The following DNAI4 variants were observed in gnomAD, a reference collection of about 807,000 sequenced individuals.
DNAI4 encodes the protein WD repeat domain 78.
A neutral mutation model predicts 105.8 loss-of-function variants in DNAI4; 85 were observed. The ratio of observed to expected loss-of-function variants is 0.80; its 90% CI spans 0.67 to 0.96. The LOEUF (loss-of-function observed/expected upper bound fraction) is 0.96. DNAI4 is among the 40% of genes least tolerant of loss of function. The pLI is 0.00. For missense variants in DNAI4, 1,014 were observed against 1,005.6 expected (o/e 1.01, Z -0.11); for synonymous variants, 352 against 331.5 (o/e 1.06, Z -0.67).
At position 66,874,896 on chromosome 1, in the gene DNAI4, T is replaced by C; in HGVS notation, c.685A>G (p.Lys229Glu). 6.2e-7 allele frequency: 1 copy of C among 1,612,396 alleles called. No individual in the cohort carries two copies. The highest frequency in any genetic ancestry group is 8.5e-7 in the Non-Finnish European group (1 of 1,179,504). Residue 229 changes from lysine to glutamate, a missense_variant, in exon 5 of 17, where the codon AAA becomes GAA. Transcript: ENST00000371026. ...IRAAPEKIVT[K>E]EDLEKNIEII... The stretch of plus-strand genomic sequence containing the variant: ...TCTATATTCTTCTCCAGGTCTTCTT[T>C]TGTTACAATTTTTTCAGGTGCTGCC...
At chr1:66,918,995 G>C (rs1029612824) in intron 1 of DNAI4, 2 of 356,560 alleles carry the variant, frequency 5.6e-6, no homozygotes, top group Non-Finnish European at 1.2e-5. Flanking sequence ...TCAAAAGAAT[G>C]CAACCATTTG....
At chr1:66,825,903 T>C (rs1308263291) in intron 15 of DNAI4, among the ~76,000 whole-genome samples, 1 of 152,240 alleles carries the variant, frequency 6.6e-6, no homozygotes, top group Non-Finnish European at 1.5e-5. Context: ...ATTTTCTTGC[T>C]TTTGCTAAAA....
At chr1:66,907,202 T>C (rs1451842086) in intron 1 of DNAI4, among the ~76,000 whole-genome samples, 1 of 152,218 alleles carries the variant, frequency 6.6e-6, no homozygotes, top group Non-Finnish European at 1.5e-5. Flanking sequence ...CTTTACTCTT[T>C]CTTCTTCAGC....
intron 13 of DNAI4, among the ~76,000 whole-genome samples, chr1:66,829,253 C>T (rs151220242): frequency 6.6e-6 from 1 of 152,218 alleles, no homozygotes; most frequent in Non-Finnish European, 1.5e-5. Flanking sequence ...ATGATCTTAG[C>T]AGCATAATTA....
At chr1:66,854,695 G>A (rs1295357215) in intron 7 of DNAI4, among the ~76,000 whole-genome samples, 2 of 152,078 alleles carry the variant, frequency 1.3e-5, no homozygotes, top group Non-Finnish European at 2.9e-5. Flanking sequence ...CCAGCTATTC[G>A]GGAGCTGAGG....
In DNAI4 at chr1:66,905,374, T is replaced by A; in HGVS notation, c.172A>T (p.Asn58Tyr). 1 of 1,430,164 alleles carries A rather than the reference T, an allele frequency of 7.0e-7. No homozygotes were observed. Among genetic ancestry groups the A allele is most frequent in the South Asian group, 1.7e-5 (1 of 58,412 alleles). 88.6% of individuals were successfully genotyped at this position (1,430,164 alleles called of 1,614,324 possible). ...GACTTCTTTGGTTGTGTGGCATTGT[T>A]CCTATATAAGAAAAATAAAATATAA... The part of the protein sequence containing the change: ...GSHKQQNFGL[N>Y]NATQPKKSIS... The change falls in exon 2 of 17, where the codon AAC (asparagine) becomes TAC (tyrosine). Residue 58 changes from asparagine (N) to tyrosine (Y), a missense_variant and splice_region_variant. Transcript: ENST00000371026.
At chr1:66,905,931 T>C (rs1246156813) in intron 1 of DNAI4, among the ~76,000 whole-genome samples, 3 of 142,046 alleles carry the variant, frequency 2.1e-5, no homozygotes, top group Admixed American at 7.1e-5. Context: ...TTTTTTTTTT[T>C]TTTTTTTTTT....
chr1:66,905,264 G>A lies in DNAI4; in HGVS notation c.282C>T (p.Thr94=), dbSNP rs148991994. The change falls in exon 2 of 17, where the codon ACC becomes ACT. Residue 94 remains threonine (T), a synonymous_variant. Coordinates refer to ENST00000371026, the MANE Select transcript of DNAI4 (RefSeq NM_024763.5). ...ANQSRMAVSK[T]VLIPPELKTV... ...TTTTCAGTTCAGGTGGAATAAGCACGGTTTTGGACACAGCCATTCTGCTTT... is the reference window on the plus strand; with the variant it reads ...TTTTCAGTTCAGGTGGAATAAGCACAGTTTTGGACACAGCCATTCTGCTTT... The A allele has an allele frequency of 8.9e-6, 14 of 1,580,152 alleles. No individual in the cohort carries two copies. Among genetic ancestry groups the A allele is most frequent in the East Asian group, 4.5e-5 (2 of 44,422 alleles).
intron 7 of DNAI4, among the ~76,000 whole-genome samples, chr1:66,858,062 A>T (rs1288976357): frequency 1.3e-5 from 2 of 152,150 alleles, no homozygotes; most frequent in Non-Finnish European, 2.9e-5. Flanking sequence ...TCACTGGTGA[A>T]TTCTACCAAA....
intron 16 of DNAI4, among the ~76,000 whole-genome samples, chr1:66,820,575 A>C (rs1042008814): frequency 6.6e-6 from 1 of 152,044 alleles, no homozygotes; most frequent in Non-Finnish European, 1.5e-5. Flanking sequence ...TATATAAATA[A>C]ATATAAAATG....
chr1:66,908,822 T>C (rs1170879605), intron 1 of DNAI4, among the ~76,000 whole-genome samples: 1 of 152,214 alleles, frequency 6.6e-6, no homozygotes, highest in Non-Finnish European at 1.5e-5. Context: ...TAAGGCTATC[T>C]TATACCTTCT....
At chr1:66,914,857 G>A (rs898526663) in intron 1 of DNAI4, among the ~76,000 whole-genome samples, 2 of 151,978 alleles carry the variant, frequency 1.3e-5, no homozygotes, top group Non-Finnish European at 2.9e-5. Context: ...AAAAATAAAA[G>A]CACTTAAATC....
At chr1:66,867,231 T>C (rs1646752853) in intron 6 of DNAI4, among the ~76,000 whole-genome samples, 1 of 152,226 alleles carries the variant, frequency 6.6e-6, no homozygotes. Context: ...CTATTTATTT[T>C]TCTCTCTGGT....
At chr1:66,900,882 T>C (rs1456950372) in intron 2 of DNAI4, among the ~76,000 whole-genome samples, 2 of 152,222 alleles carry the variant, frequency 1.3e-5, no homozygotes, top group African/African-American at 2.4e-5. Context: ...GGATGCCTTT[T>C]ATTTCTTTTT....
At chr1:66,868,261 G>T (rs1439771661) in intron 6 of DNAI4, among the ~76,000 whole-genome samples, 8 of 152,056 alleles carry the variant, frequency 5.3e-5, no homozygotes, top group Non-Finnish European at 1.0e-4. Context: ...TGTTAACCTT[G>T]TTTTAAAAAC....
intron 6 of DNAI4, chr1:66,870,659 G>A (rs1259811788): frequency 7.7e-6 from 1 of 129,580 alleles, no homozygotes; most frequent in East Asian, 2.6e-4. Flanking sequence ...CTGAGGGGGA[G>A]AATTGCTTGA....
chr1:66,823,741 C>A (rs1043297664), intron 15 of DNAI4, among the ~76,000 whole-genome samples: 16 of 147,776 alleles, frequency 1.1e-4, no homozygotes, highest in Non-Finnish European at 2.1e-4. Flanking sequence ...CCTTCGCCCA[C>A]TTTTTGATGG....
chr1:66,866,007 G>T (rs1292309974), intron 6 of DNAI4, among the ~76,000 whole-genome samples: 1 of 152,080 alleles, frequency 6.6e-6, no homozygotes, highest in African/African-American at 2.4e-5. Context: ...AGGAAAGCGG[G>T]AACTGGATTA....
chr1:66,857,228 T>A (rs1052622591), intron 7 of DNAI4, among the ~76,000 whole-genome samples: 5 of 150,038 alleles, frequency 3.3e-5, no homozygotes, highest in African/African-American at 1.2e-4. Flanking sequence ...CAGCAAACTA[T>A]CACAAGGAGA....
Sources: gnomAD v4.1 joint callset for allele counts (sites outside exome capture counted in the v4.1 genomes callset) on GRCh38, gnomAD v4.1.1 for gene constraint, MANE v1.5 for transcripts, NCBI Gene and HGNC (gene_info 2026-07-23, HGNC 2026-07-21) for gene names.